Variants in ADD2 observed in about 807,000 individuals in gnomAD.
ADD2 encodes beta-adducin.
Under a neutral mutation model 83.0 loss-of-function variants are expected in ADD2, and 23 were observed. The ratio of observed to expected loss-of-function variants is 0.28; its 90% CI spans 0.20 to 0.39. The LOEUF (loss-of-function observed/expected upper bound fraction) is 0.39. Ranked by LOEUF, ADD2 falls within the 10% of genes least tolerant of loss-of-function variation. The pLI is 1.00. For synonymous variants in ADD2, 375 were observed against 375.4 expected, an observed-to-expected ratio of 1.00 and a Z score of 0.01; for missense variants, 758 against 944.9, an observed-to-expected ratio of 0.80 and a Z score of 2.59.
Position 70,767,966 on chromosome 2 carries a change from C to A in ADD2, c.-234G>T, listed in dbSNP as rs1553386502. The A allele has an allele frequency of 3.3e-6, 5 of 1,535,088 alleles. No homozygotes were observed. The African/African-American group carries it at 6.9e-5, about 21-fold the overall frequency. On this transcript the variant is annotated 5_prime_UTR_variant, in exon 1 of 16. Coordinates refer to ENST00000264436, the MANE Select transcript of ADD2 (RefSeq NM_001617.4). ...TTTTATGGGTTTGGGGGGTGGGGTG[C>A]GCTTAAAAAATCCACCCAGCTAATC... is the stretch of plus-strand genomic sequence containing the variant.
chr2:70,696,144 C>T, intron 5 of ADD2, 101 bp downstream of exon 5: 1 of 1,465,212 alleles, frequency 6.8e-7, no homozygotes, highest in South Asian at 1.3e-5. Context: ...AGCCAAAGGT[C>T]ACCAGCAGTG....
rs1553374487 is a variant in ADD2 at position 70,706,373 on chromosome 2, C to A, written c.36G>T (p.Pro12=). ...SEETVPEAAS[P]PPPQGQPYFD... ...AGTAAGGCTGCCCCTGCGGGGGCGG[C>A]GGCGAGGCAGCCTCGGGGACCGTCT... The change falls in exon 3 of 16, where the codon CCG becomes CCT. Residue 12 remains proline (P), a synonymous_variant. Coordinates refer to ENST00000264436, the MANE Select transcript of ADD2 (RefSeq NM_001617.4). This position sits in a 1 kb window ranked among gnomAD's most constrained non-coding sequence, Gnocchi z 5.0. The A allele has an allele frequency of 6.2e-7, 1 of 1,610,902 alleles. No homozygotes were observed. Among genetic ancestry groups the A allele is most frequent in the East Asian group, 2.2e-5 (1 of 44,820 alleles).
chr2:70,713,273 A>G lies in ADD2; in HGVS notation c.-153-89T>C, dbSNP rs116398853. The G allele has an allele frequency of 3.9e-3, 1,989 of 512,812 alleles. 38 individuals are homozygous for G. The highest frequency in any genetic ancestry group is 0.033 in the African/African-American group (1,588 of 48,208). The allele number at this position is 512,812 out of a possible 1,614,324, so 31.8% of individuals were successfully genotyped here. ...AAGAGCTTCTGGGAAATTCCTTAAA[A>G]TGAACTTGAAATGAATTTTTATTTT... On this transcript the variant is annotated intron_variant, in intron 1 of 15. Coordinates refer to ENST00000264436, the MANE Select transcript of ADD2 (RefSeq NM_001617.4).
At chr2:70,696,949 G>A (rs117600001) in intron 4 of ADD2, among the ~76,000 whole-genome samples, 199 of 152,102 alleles carry the variant, frequency 1.3e-3, no homozygotes, top group East Asian at 0.011. Flanking sequence ...TCACAAGGTC[G>A]AGAGATCAAG....
At chr2:70,678,646 C>T (rs1252770275) in intron 11 of ADD2, 58 bp downstream of exon 11, 16 of 1,505,370 alleles carry the variant, frequency 1.1e-5, no homozygotes, top group Middle Eastern at 2.0e-4. Context: ...AAAAATGCTT[C>T]ACCCTGCTAA....
intron 2 of ADD2, among the ~76,000 whole-genome samples, chr2:70,709,663 G>A (rs1672078262): frequency 6.6e-6 from 1 of 152,200 alleles, no homozygotes; most frequent in African/African-American, 2.4e-5. Context: ...TATCTGAGTT[G>A]GAGACAGATA....
intron 1 of ADD2, among the ~76,000 whole-genome samples, chr2:70,758,226 G>A (rs1429946942): frequency 3.3e-5 from 5 of 152,164 alleles, no homozygotes; most frequent in Admixed American, 3.3e-4. Flanking sequence ...CAGATGATGG[G>A]ATACAATAAT....
chr2:70,677,943 C>T, intron 11 of ADD2, 66 bp from the exon 12 acceptor site: 1 of 1,601,724 alleles, frequency 6.2e-7, no homozygotes, highest in Non-Finnish European at 8.5e-7. Flanking sequence ...CCCAGTGGTC[C>T]ACCCACGAGA....
intron 1 of ADD2, among the ~76,000 whole-genome samples, chr2:70,717,187 G>A (rs1672515581): frequency 1.3e-5 from 2 of 152,014 alleles, no homozygotes; most frequent in South Asian, 4.2e-4. Flanking sequence ...GATTCGCCCT[G>A]GTAGGAGGGC....
At position 70,713,730 on chromosome 2, in the gene ADD2, C is replaced by T. The variant is rs566015647; in HGVS notation, c.-153-546G>A. On this transcript the variant is annotated intron_variant, in intron 1 of 15. Coordinates refer to ENST00000264436, the MANE Select transcript of ADD2 (RefSeq NM_001617.4). The stretch of plus-strand genomic sequence containing the variant: ...TGGCTGGCAAGGCCTCCAGGGAAAG[C>T]GGTTGCCCTGGCCTGGTGGAGGGCG... 7.9e-5 allele frequency among the ~76,000 whole-genome samples: 12 copies of T among 152,184 alleles called. No individual in the cohort carries two copies. The East Asian group carries it at 1.5e-3, about 20-fold the overall frequency.
intron 1 of ADD2, among the ~76,000 whole-genome samples, chr2:70,759,352 G>A (rs2104554930): frequency 6.6e-6 from 1 of 152,262 alleles, no homozygotes; most frequent in East Asian, 1.9e-4. Flanking sequence ...AGCTGCATCT[G>A]GTGAAGTGAT....
Position 70,663,248 on chromosome 2 carries a change from T to A in ADD2, c.*177A>T, listed in dbSNP as rs1675606255. ...GTGTGACCTTGGGCAAGTCACCTGATTTCTCTTGGGCAACTGTAAAACGAA... is the reference window on the plus strand; with the variant it reads ...GTGTGACCTTGGGCAAGTCACCTGAATTCTCTTGGGCAACTGTAAAACGAA... On this transcript the variant is annotated 3_prime_UTR_variant, in exon 16 of 16. Coordinates refer to ENST00000264436, the MANE Select transcript of ADD2 (RefSeq NM_001617.4). 1 of 706,640 alleles carries A rather than the reference T, an allele frequency of 1.4e-6. No homozygotes were observed. The highest frequency in any genetic ancestry group is 2.3e-6 in the Non-Finnish European group (1 of 433,996). 43.8% of individuals were successfully genotyped at this position (706,640 alleles called of 1,614,324 possible).
intron 5 of ADD2, 133 bp from the exon 6 acceptor site, chr2:70,695,934 C>T (rs143170385): frequency 1.2e-5 from 9 of 773,962 alleles, no homozygotes; most frequent in Middle Eastern, 7.2e-4. Context: ...ATCTCTCCCC[C>T]CCAGCCATAA....
intron 1 of ADD2, among the ~76,000 whole-genome samples, chr2:70,749,630 A>C (rs138234832): frequency 5.3e-4 from 80 of 152,320 alleles, no homozygotes; most frequent in African/African-American, 1.9e-3. Context: ...GTGTTAGCAC[A>C]AATCTTCTGG....
intron 3 of ADD2, 28 bp from the exon 4 acceptor site, chr2:70,704,487 C>T (rs1006847483): frequency 3.1e-6 from 5 of 1,612,096 alleles, no homozygotes; most frequent in East Asian, 4.5e-5. Flanking sequence ...GTGCTTGTCC[C>T]CCCACAGCCT....
intron 1 of ADD2, among the ~76,000 whole-genome samples, chr2:70,724,448 G>A (rs1295014323): frequency 6.6e-6 from 1 of 152,188 alleles, no homozygotes; most frequent in East Asian, 1.9e-4. Context: ...CAGTGCACCT[G>A]CCCAGGGCAG....
At chr2:70,695,975 G>A (rs1336306673) in intron 5 of ADD2, among the ~76,000 whole-genome samples, 174 bp from the exon 6 acceptor site, 1 of 152,190 alleles carries the variant, frequency 6.6e-6, no homozygotes, top group East Asian at 1.9e-4. Context: ...TTTATTTGGA[G>A]CAGGAGAAAG....
chr2:70,678,450 C>T (rs1670288909), intron 11 of ADD2, among the ~76,000 whole-genome samples: 1 of 152,146 alleles, frequency 6.6e-6, no homozygotes, highest in Admixed American at 6.5e-5. Context: ...GGTTCTGGGT[C>T]ATGTGCCTGG....
At chr2:70,735,100 G>A (rs1673465167) in intron 1 of ADD2, among the ~76,000 whole-genome samples, 1 of 152,078 alleles carries the variant, frequency 6.6e-6, no homozygotes. Context: ...ACTTTTCCTA[G>A]TGCTTTTTCC....
Sources: allele counts gnomAD v4.1 joint callset (sites outside exome capture counted in the v4.1 genomes callset), GRCh38; gene constraint gnomAD v4.1.1; non-coding constraint Gnocchi (gnomAD v3.1); transcripts MANE v1.5; gene names NCBI Gene and HGNC (gene_info 2026-07-23, HGNC 2026-07-21).